IGF2BP2: variants seen among roughly 807,000 people sequenced by gnomAD.
IGF2BP2 encodes insulin-like growth factor 2 mRNA-binding protein 2.
IGF2BP2 carries 17 observed loss-of-function variants against 75.8 expected under a neutral mutation model. The observed-to-expected ratio is 0.22, with a 90% CI of 0.15 to 0.34. IGF2BP2 has a LOEUF of 0.34. Among genes scored for constraint, IGF2BP2 ranks in the 10% least tolerant of loss-of-function variants. The pLI is 1.00. For synonymous variants in IGF2BP2, 288 were observed against 295.6 expected, an observed-to-expected ratio of 0.97 and a Z score of 0.26; for missense variants, 516 against 772.4, an observed-to-expected ratio of 0.67 and a Z score of 3.93.
At chr3:185,670,395 T>C (rs1718333240) in intron 10 of IGF2BP2, among the ~76,000 whole-genome samples, 1 of 152,190 alleles carries the variant, frequency 6.6e-6, no homozygotes, top group African/African-American at 2.4e-5. Flanking sequence ...ATGTGATCTG[T>C]ATGTATCTAC....
intron 2 of IGF2BP2, among the ~76,000 whole-genome samples, chr3:185,815,435 T>C (rs1402700269): frequency 6.6e-6 from 1 of 152,196 alleles, no homozygotes; most frequent in Non-Finnish European, 1.5e-5. Context: ...TCAAATGAGA[T>C]GGACAACAAG....
chr3:185,696,382 T>C lies in IGF2BP2; in HGVS notation c.340+230A>G. On this transcript the variant is annotated intron_variant, in intron 4 of 15. Coordinates refer to ENST00000382199, the MANE Select transcript of IGF2BP2 (RefSeq NM_006548.6). ...CACTGCACAGTATATGAGAAACAGC[T>C]TGTAAATAATATTCCTCGAAAAGGC... 5.6e-6 allele frequency: 3 copies of C among 537,648 alleles called. No individual in the cohort carries two copies. The East Asian group carries it at 8.9e-5, about 16-fold the overall frequency. The allele number at this position is 537,648 out of a possible 1,614,324, so 33.3% of individuals were successfully genotyped here.
chr3:185,748,756 T>C (rs1192677339), intron 2 of IGF2BP2, among the ~76,000 whole-genome samples: 1 of 152,202 alleles, frequency 6.6e-6, no homozygotes, highest in Non-Finnish European at 1.5e-5. Context: ...TTCCCCAAGT[T>C]CCTGACACAA....
intron 2 of IGF2BP2, among the ~76,000 whole-genome samples, chr3:185,804,854 T>C (rs1240133392): frequency 1.3e-5 from 2 of 149,312 alleles, no homozygotes; most frequent in Non-Finnish European, 3.0e-5. Flanking sequence ...TAGCTGGGAG[T>C]GGGTGGCGGG....
intron 2 of IGF2BP2, among the ~76,000 whole-genome samples, chr3:185,786,628 T>C (rs989893322): frequency 2.0e-5 from 3 of 152,138 alleles, no homozygotes; most frequent in Admixed American, 2.0e-4. Flanking sequence ...CCTAGGTCCC[T>C]TCGCTGACTC....
At chr3:185,723,788 G>T (rs534872014) in intron 2 of IGF2BP2, among the ~76,000 whole-genome samples, 1 of 152,182 alleles carries the variant, frequency 6.6e-6, no homozygotes, top group African/African-American at 2.4e-5. Context: ...GACAGCATAC[G>T]ATGGGAGCTC....
At chr3:185,721,200 TTTATTA>T (rs555532894) in intron 2 of IGF2BP2, among the ~76,000 whole-genome samples, 20 of 152,000 alleles carry the variant, frequency 1.3e-4, no homozygotes, top group Non-Finnish European at 7.4e-5. Flanking sequence ...TTTGTTTTTG[TTTATTA>T]TTATTATTAT....
At chr3:185,694,127 G>A (rs970023221) in intron 4 of IGF2BP2, among the ~76,000 whole-genome samples, 31 of 152,256 alleles carry the variant, frequency 2.0e-4, no homozygotes, top group Non-Finnish European at 5.9e-5. Context: ...TAATAAACCC[G>A]AGCCCAGCTC....
intron 2 of IGF2BP2, among the ~76,000 whole-genome samples, chr3:185,750,451 T>C (rs1222725157): frequency 1.3e-5 from 2 of 152,096 alleles, no homozygotes; most frequent in Admixed American, 1.3e-4. Context: ...CCCCTAGAGG[T>C]ACAAATTCTA....
chr3:185,768,605 A>C (rs890230269), intron 2 of IGF2BP2, among the ~76,000 whole-genome samples: 1 of 152,232 alleles, frequency 6.6e-6, no homozygotes, highest in Non-Finnish European at 1.5e-5. Context: ...AATTCTGTGG[A>C]GGACTGAAGG....
intron 2 of IGF2BP2, among the ~76,000 whole-genome samples, chr3:185,747,977 T>C (rs1481108202): frequency 2.0e-5 from 3 of 152,054 alleles, no homozygotes. Context: ...TGCCTCAGCC[T>C]CCCGAGTAGC....
intron 2 of IGF2BP2, among the ~76,000 whole-genome samples, chr3:185,796,027 T>C (rs1737325338): frequency 6.6e-6 from 1 of 152,216 alleles, no homozygotes; most frequent in African/African-American, 2.4e-5. Context: ...GGAGGATAAC[T>C]TTCTAGTAAT....
chr3:185,664,191 A>G (rs868239667), intron 10 of IGF2BP2, among the ~76,000 whole-genome samples: 21 of 152,176 alleles, frequency 1.4e-4, no homozygotes, highest in African/African-American at 4.1e-4. Flanking sequence ...GGAGGGAGCT[A>G]GGAACTCGTG....
intron 2 of IGF2BP2, among the ~76,000 whole-genome samples, chr3:185,816,574 G>A (rs926673547): frequency 2.0e-5 from 3 of 152,168 alleles, no homozygotes; most frequent in Non-Finnish European, 4.4e-5. Flanking sequence ...ACAGTGGAGC[G>A]AGACTCAGGG....
chr3:185,696,318 G>A (rs1722571581), intron 4 of IGF2BP2: 8 of 349,416 alleles, frequency 2.3e-5, no homozygotes, highest in Non-Finnish European at 3.6e-5. Context: ...AGTGAATTAA[G>A]CTTACCCTAG....
In IGF2BP2 at chr3:185,732,402, A is replaced by G. The variant is rs138674085; in HGVS notation, c.240-34055T>C. The stretch of plus-strand genomic sequence containing the variant: ...AAGACTATGTTGACCAGCTGGGAGA[A>G]ACAGTACAGGATTTTTAGTATTTCT... On this transcript the variant is annotated intron_variant, in intron 2 of 15. Coordinates refer to ENST00000382199, the MANE Select transcript of IGF2BP2 (RefSeq NM_006548.6). 2.2e-4 allele frequency among the ~76,000 whole-genome samples: 34 copies of G among 152,362 alleles called. 1 individual carries two copies. The highest frequency in any genetic ancestry group is 4.1e-4 in the South Asian group (2 of 4,834).
At chr3:185,658,975 G>C (rs1369100226) in intron 10 of IGF2BP2, among the ~76,000 whole-genome samples, 3 of 152,172 alleles carry the variant, frequency 2.0e-5, no homozygotes, top group African/African-American at 7.2e-5. Context: ...TGAGCTTTGG[G>C]AATCTGAAAT....
chr3:185,709,847 C>G (rs1342475774), intron 2 of IGF2BP2, among the ~76,000 whole-genome samples: 1 of 152,168 alleles, frequency 6.6e-6, no homozygotes, highest in African/African-American at 2.4e-5. Flanking sequence ...GTGGAATGAA[C>G]AATCCAAACC....
At chr3:185,811,861 TCTCTCTCTCTCTCTCTCC>T (rs552720176) in intron 2 of IGF2BP2, among the ~76,000 whole-genome samples, 8,256 of 135,450 alleles carry the variant, frequency 0.061, 360 homozygotes, top group African/African-American at 0.13. Context: ...TCTCTCTCTC[TCTCTCTCTCTCTCTCTCC>T]CCCTCTCCCT....
Sources: allele counts gnomAD v4.1 joint callset (sites outside exome capture counted in the v4.1 genomes callset), GRCh38; gene constraint gnomAD v4.1.1; transcripts MANE v1.5; gene names NCBI Gene and HGNC (gene_info 2026-07-23, HGNC 2026-07-21).